Variants in PRKCA observed in about 807,000 individuals in gnomAD.
PRKCA encodes the protein protein kinase C alpha, also known as protein kinase C alpha type.
In PRKCA, 27 loss-of-function variants were observed where a neutral mutation model predicts 87.0. The observed-to-expected ratio is 0.31, with a 90% confidence interval of 0.23 to 0.43. PRKCA has a LOEUF of 0.43. PRKCA is among the 20% of genes least tolerant of loss of function. The pLI is 1.00. For missense variants in PRKCA, 518 were observed against 852.3 expected (o/e 0.61, Z 4.88); for synonymous variants, 329 against 311.1 (o/e 1.06, Z -0.61).
At chr17:66,357,565 G>A (rs1908139668) in intron 2 of PRKCA, among the ~76,000 whole-genome samples, 1 of 152,180 alleles carries the variant, frequency 6.6e-6, no homozygotes, top group South Asian at 2.1e-4. Flanking sequence ...AATTACAACA[G>A]GGTTGAATAC....
intron 2 of PRKCA, among the ~76,000 whole-genome samples, chr17:66,432,673 C>T (rs1274286335): frequency 6.6e-6 from 1 of 151,956 alleles, no homozygotes; most frequent in Admixed American, 6.6e-5. Flanking sequence ...AGGGACTGGG[C>T]CTTATTCTTG....
rs538838514 is a variant in PRKCA, at chr17:66,457,016, CT to C, written c.206-39181del. Reference sequence around the variant, plus strand: ...TAGGGAGTGAGAGGTTCATGTAAACCTTTTATGTTGTAGGCCCAGCTGTGTG... The same window carrying C: ...TAGGGAGTGAGAGGTTCATGTAAACCTTTATGTTGTAGGCCCAGCTGTGTG... On this transcript the variant is annotated intron_variant, in intron 2 of 16. Transcript: ENST00000413366. Among the ~76,000 whole-genome samples the C allele has an allele frequency of 4.5e-4, 68 of 152,262 alleles. No homozygotes were observed. In the East Asian group the frequency reaches 7.7e-3, roughly 17 times the overall value.
rs10633082 is a variant in PRKCA, at chr17:66,556,324, T to TTC, written c.288+60042_288+60043insCT. 9.7e-3 allele frequency among the ~76,000 whole-genome samples: 252 copies of TTC among 25,852 alleles called. 1 individual carries two copies. The highest frequency in any genetic ancestry group is 0.095 in the African/African-American group (229 of 2,412). The allele number at this position is 25,852 out of a possible 152,430, so 17.0% of individuals were successfully genotyped here. On this transcript the variant is annotated intron_variant, in intron 3 of 16. Coordinates refer to ENST00000413366, the MANE Select transcript of PRKCA (RefSeq NM_002737.3). ...GAGAATAATCTTTTCTTTCTTCTTC[T>TTC]TTTTTTTTTTTTTTTTTGGTCAAGA...
chr17:66,397,791 T>C (rs1361824847), intron 2 of PRKCA, among the ~76,000 whole-genome samples: 1 of 152,116 alleles, frequency 6.6e-6, no homozygotes, highest in African/African-American at 2.4e-5. Context: ...ATGGTACCAT[T>C]ATTCAGGATA....
chr17:66,549,586 C>G (rs1968263712), intron 3 of PRKCA, among the ~76,000 whole-genome samples: 1 of 152,164 alleles, frequency 6.6e-6, no homozygotes. Context: ...GCAGAAACCA[C>G]AGATTTCACA....
chr17:66,379,583 T>C (rs186294904), intron 2 of PRKCA, among the ~76,000 whole-genome samples: 1 of 152,244 alleles, frequency 6.6e-6, no homozygotes, highest in Non-Finnish European at 1.5e-5. Flanking sequence ...CTTCACTAAT[T>C]GTAATTTTGT....
At chr17:66,645,565 T>C in intron 5 of PRKCA, 54 bp downstream of exon 5, 1 of 1,607,250 alleles carries the variant, frequency 6.2e-7, no homozygotes, top group Non-Finnish European at 8.5e-7. Context: ...GGATGAAGGT[T>C]ACACTGATAT....
At chr17:66,532,387 ACAGAGTCTTGCTCTGTCACC>A (rs149103109) in intron 3 of PRKCA, among the ~76,000 whole-genome samples, 20,808 of 133,662 alleles carry the variant, frequency 0.16, 1,725 homozygotes, top group East Asian at 0.31. Flanking sequence ...TTTTTTTGAG[ACAGAGTCTTGCTCTGTCACC>A]CAGGGTGGAG....
chr17:66,417,128 G>A (rs1199506492), intron 2 of PRKCA, among the ~76,000 whole-genome samples: 1 of 151,930 alleles, frequency 6.6e-6, no homozygotes, highest in Non-Finnish European at 1.5e-5. Flanking sequence ...TCAAACTCCT[G>A]AGCTCAAGTG....
At chr17:66,647,062 GC>G (rs1971475956) in intron 5 of PRKCA, among the ~76,000 whole-genome samples, 1 of 152,166 alleles carries the variant, frequency 6.6e-6, no homozygotes, top group Admixed American at 6.5e-5. Context: ...GACAGCCAGG[GC>G]CCCTCTGACT....
At position 66,772,376 on chromosome 17, in the gene PRKCA, G is replaced by A. The variant is rs375227824; in HGVS notation, c.1525-1611G>A. Among the ~76,000 whole-genome samples the A allele has an allele frequency of 3.3e-5, 5 of 152,210 alleles. No individual in the cohort carries two copies. The East Asian group carries it at 9.7e-4, about 29-fold the overall frequency. ...CCTTGTTACTGCCCACACTTAAACT[G>A]TTGGTGCTTGTGTTTCTCATCCTAC... On this transcript the variant is annotated intron_variant, in intron 13 of 16. Coordinates refer to ENST00000413366, the MANE Select transcript of PRKCA (RefSeq NM_002737.3).
At chr17:66,325,307 A>T (rs1435782483) in intron 2 of PRKCA, among the ~76,000 whole-genome samples, 1 of 152,184 alleles carries the variant, frequency 6.6e-6, no homozygotes, top group Non-Finnish European at 1.5e-5. Flanking sequence ...AAATTTTTCT[A>T]ATTTTTGTTG....
rs77143698 is a variant in PRKCA at position 66,392,596 on chromosome 17, A to G, written c.205+86469A>G. Among the ~76,000 whole-genome samples the G allele has an allele frequency of 1.6e-4, 24 of 152,144 alleles. No individual in the cohort carries two copies. In the East Asian group the frequency reaches 4.7e-3, roughly 30 times the overall value. The stretch of plus-strand genomic sequence containing the variant: ...GCCTTTAATTTTGCTTGCATTTACT[A>G]GTAAGATTTATTCATGTGCAGAGGG... On this transcript the variant is annotated intron_variant, in intron 2 of 16. Coordinates refer to ENST00000413366, the MANE Select transcript of PRKCA (RefSeq NM_002737.3).
chr17:66,451,057 A>G (rs946318298), intron 2 of PRKCA, among the ~76,000 whole-genome samples: 1 of 152,198 alleles, frequency 6.6e-6, no homozygotes, highest in Non-Finnish European at 1.5e-5. Flanking sequence ...GTGATCTATA[A>G]AGAAATGATG....
At chr17:66,716,971 C>G (rs1163904694) in intron 8 of PRKCA, among the ~76,000 whole-genome samples, 1 of 137,032 alleles carries the variant, frequency 7.3e-6, no homozygotes, top group African/African-American at 2.5e-5. Flanking sequence ...ATACATACTT[C>G]ATTCACCACC....
intron 3 of PRKCA, among the ~76,000 whole-genome samples, chr17:66,500,243 G>A (rs144446858): frequency 5.9e-5 from 9 of 152,322 alleles, no homozygotes; most frequent in African/African-American, 2.2e-4. Flanking sequence ...GGTCTTTGGA[G>A]CAAGAGACCT....
chr17:66,465,625 C>T (rs1266039330), intron 2 of PRKCA, among the ~76,000 whole-genome samples: 1 of 151,706 alleles, frequency 6.6e-6, no homozygotes, highest in African/African-American at 2.4e-5. Flanking sequence ...TCTCACACTC[C>T]TGAGCTTGAG....
intron 3 of PRKCA, among the ~76,000 whole-genome samples, chr17:66,623,045 T>A (rs1970735283): frequency 6.6e-6 from 1 of 152,234 alleles, no homozygotes; most frequent in Admixed American, 6.5e-5. Flanking sequence ...TTTTCTCCCA[T>A]TTCCTGTAGG....
chr17:66,328,548 A>C (rs941829801), intron 2 of PRKCA, among the ~76,000 whole-genome samples: 3 of 152,216 alleles, frequency 2.0e-5, no homozygotes, highest in African/African-American at 7.2e-5. Context: ...CTGTAATCCC[A>C]GCACTTTGGG....
Sources: allele counts gnomAD v4.1 joint callset (sites outside exome capture counted in the v4.1 genomes callset), GRCh38; gene constraint gnomAD v4.1.1; transcripts MANE v1.5; gene names NCBI Gene and HGNC (gene_info 2026-07-23, HGNC 2026-07-21).